Variants in RBFOX1 observed in about 807,000 individuals in gnomAD.
RBFOX1 encodes the protein RNA binding fox-1 homolog 1, also known as RNA binding protein fox-1 homolog 1.
A neutral mutation model predicts 57.7 loss-of-function variants in RBFOX1; 8 were observed. The observed-to-expected ratio is 0.14, with a 90% CI of 0.08 to 0.25. The LOEUF is 0.25. Ranked by LOEUF, RBFOX1 falls within the 10% of genes least tolerant of loss-of-function variation. The pLI is 1.00. For synonymous variants in RBFOX1, 326 were observed against 222.4 expected (o/e 1.47, Z -4.15); for missense variants, 611 against 548.5 (o/e 1.11, Z -1.14).
chr16:5,977,316 C>A lies in RBFOX1; in HGVS notation c.351+109981C>A, dbSNP rs554015854. ...TCTTGGGAGAATGCTGGAGGCCTTC[C>A]TGGGCTTTCACAGGCCAGCCCGTCA... On this transcript the variant is annotated intron_variant, in intron 4 of 19. Transcript: ENST00000641259. Among the ~76,000 whole-genome samples, 10 of 152,256 alleles carry A rather than the reference C, an allele frequency of 6.6e-5. No individual in the cohort carries two copies. In the East Asian group the frequency reaches 1.9e-3, roughly 29 times the overall value.
intron 3 of RBFOX1, chr16:6,873,817 A>G (rs2081685120): frequency 6.6e-6 from 1 of 152,192 alleles, no homozygotes; most frequent in Non-Finnish European, 1.5e-5. Context: ...TTTTCCAGAT[A>G]AGGAAACCGA....
intron 1 of RBFOX1, among the ~76,000 whole-genome samples, chr16:5,306,871 A>T (rs528702338): frequency 1.8e-4 from 28 of 152,274 alleles, no homozygotes; most frequent in African/African-American, 6.5e-4. Flanking sequence ...CTCTGCTATC[A>T]TCAGGATTTT....
chr16:5,347,946 A>G (rs1452256552), intron 1 of RBFOX1, among the ~76,000 whole-genome samples: 37 of 92,582 alleles, frequency 4.0e-4, no homozygotes, highest in African/African-American at 1.6e-3. Flanking sequence ...TCAATCATGC[A>G]CTCATTCACC....
At chr16:5,616,365 C>G (rs943535126) in intron 3 of RBFOX1, among the ~76,000 whole-genome samples, 1 of 152,328 alleles carries the variant, frequency 6.6e-6, no homozygotes, top group Non-Finnish European at 1.5e-5. Context: ...CTGGGCCCAG[C>G]TTGTCTGCGG....
At chr16:6,667,668 C>G (rs1008872511) in intron 3 of RBFOX1, among the ~76,000 whole-genome samples, 1 of 152,008 alleles carries the variant, frequency 6.6e-6, no homozygotes, top group Non-Finnish European at 1.5e-5. Context: ...ATTACTTGAG[C>G]TCGGGAGTTT....
chr16:6,654,144 T>G (rs927947267), intron 2 of RBFOX1, among the ~76,000 whole-genome samples: 1 of 151,140 alleles, frequency 6.6e-6, no homozygotes, highest in African/African-American at 2.4e-5. Context: ...AATGAATGAA[T>G]GGAGAGGAGA....
At chr16:7,006,311 T>A (rs1049174088) in intron 3 of RBFOX1, among the ~76,000 whole-genome samples, 1 of 152,070 alleles carries the variant, frequency 6.6e-6, no homozygotes, top group Admixed American at 6.6e-5. Flanking sequence ...CACACCAGTA[T>A]ACCCAGCTAA....
At chr16:7,231,957 T>C (rs149803841) in intron 4 of RBFOX1, among the ~76,000 whole-genome samples, 2,225 of 152,280 alleles carry the variant, frequency 0.015, 58 homozygotes, top group African/African-American at 0.045. Flanking sequence ...AATGGAATGA[T>C]GACGTATTTT....
intron 3 of RBFOX1, among the ~76,000 whole-genome samples, chr16:5,661,975 G>C (rs1428189599): frequency 6.6e-6 from 1 of 152,030 alleles, no homozygotes; most frequent in African/African-American, 2.4e-5. Context: ...TTTTAGTAGA[G>C]ATGGGGTTTC....
At chr16:6,801,616 C>G (rs981757473) in intron 3 of RBFOX1, among the ~76,000 whole-genome samples, 2 of 151,790 alleles carry the variant, frequency 1.3e-5, no homozygotes, top group Non-Finnish European at 2.9e-5. Context: ...ACTCATGTGT[C>G]CATCAGGAGA....
intron 3 of RBFOX1, chr16:5,838,352 G>T: frequency 6.0e-6 from 1 of 167,762 alleles, no homozygotes. Context: ...AGCATGTGGA[G>T]GGATGCCACC....
chr16:6,706,166 C>G (rs1215821026), intron 3 of RBFOX1, among the ~76,000 whole-genome samples: 1 of 152,140 alleles, frequency 6.6e-6, no homozygotes, highest in African/African-American at 2.4e-5. Context: ...GTGTTGAAAA[C>G]TTTTTACTGC....
chr16:5,988,398 C>G (rs1022051642), intron 4 of RBFOX1, among the ~76,000 whole-genome samples: 1 of 152,318 alleles, frequency 6.6e-6, no homozygotes, highest in African/African-American at 2.4e-5. Context: ...TATCAAGCCT[C>G]TAATATTTCT....
At chr16:6,959,593 C>T (rs577416093) in intron 3 of RBFOX1, among the ~76,000 whole-genome samples, 2 of 152,218 alleles carry the variant, frequency 1.3e-5, no homozygotes, top group Non-Finnish European at 2.9e-5. Flanking sequence ...GCTGAACAGG[C>T]AGGCCTCTGT....
intron 1 of RBFOX1, among the ~76,000 whole-genome samples, chr16:6,288,884 A>G (rs111940491): frequency 9.9e-5 from 15 of 152,212 alleles, no homozygotes; most frequent in African/African-American, 1.2e-4. Flanking sequence ...AGTGGAACCA[A>G]CAGCGAATTC....
intron 4 of RBFOX1, among the ~76,000 whole-genome samples, chr16:7,104,523 T>C (rs979718089): frequency 1.3e-5 from 2 of 152,122 alleles, no homozygotes; most frequent in African/African-American, 4.8e-5. Flanking sequence ...TTAAAAGCAA[T>C]GGCTTACCTA....
Position 6,397,454 on chromosome 16 carries a change from C to A in RBFOX1, c.-64+80397C>A, listed in dbSNP as rs181488942. The stretch of plus-strand genomic sequence containing the variant: ...ATTCTGTTTTCATAAAAAAAAAATC[C>A]TTCACAGAAATTAATAGGAAGATGC... On this transcript the variant is annotated intron_variant, in intron 2 of 15. Transcript: ENST00000550418. Among the ~76,000 whole-genome samples the A allele has an allele frequency of 5.9e-5, 9 of 151,878 alleles. No individual in the cohort carries two copies. The East Asian group carries it at 1.7e-3, about 29-fold the overall frequency.
chr16:7,471,398 A>C (rs184460613), intron 4 of RBFOX1, among the ~76,000 whole-genome samples: 2 of 152,300 alleles, frequency 1.3e-5, no homozygotes, highest in African/African-American at 4.8e-5. Flanking sequence ...ATTTTGGTAG[A>C]TGTTCCCAGA....
At position 7,056,460 on chromosome 16, in the gene RBFOX1, A is replaced by T. The variant is rs78146473; in HGVS notation, c.27+4362A>T. 2.2e-3 allele frequency among the ~76,000 whole-genome samples: 340 copies of T among 152,334 alleles called. 3 individuals carry two copies. The highest frequency in any genetic ancestry group is 7.7e-3 in the African/African-American group (321 of 41,580). On this transcript the variant is annotated intron_variant, in intron 4 of 15. Transcript: ENST00000550418. The stretch of plus-strand genomic sequence containing the variant: ...CCTGATCCTATAGGCTGTATTTACC[A>T]GCTTGTTCTAGCATCAGCACAGGTT...
Sources: gnomAD v4.1 joint callset for allele counts (sites outside exome capture counted in the v4.1 genomes callset) on GRCh38, gnomAD v4.1.1 for gene constraint, MANE v1.5 for transcripts, NCBI Gene and HGNC (gene_info 2026-07-23, HGNC 2026-07-21) for gene names.